The following CLCN6 variants were observed in gnomAD, a reference collection of about 807,000 sequenced individuals.
The protein encoded by CLCN6 is Cl-/H+ antiporter 6, also known as H(+)/Cl(-) exchange transporter 6.
Under a neutral mutation model 109.8 loss-of-function variants are expected in CLCN6, and 70 were observed. That is an observed-to-expected ratio of 0.64 (90% CI 0.53 to 0.78). The LOEUF is 0.78. Ranked by LOEUF, CLCN6 falls within the 30% of genes least tolerant of loss-of-function variation. The pLI is 0.00. For missense variants in CLCN6, 984 were observed against 1,142.3 expected (o/e 0.86, Z 2.00); for synonymous variants, 444 against 447.8 (o/e 0.99, Z 0.11).
At chr1:11,809,463 C>T (rs1644568744) in intron 2 of CLCN6, among the ~76,000 whole-genome samples, 1 of 151,982 alleles carries the variant, frequency 6.6e-6, no homozygotes, top group African/African-American at 2.4e-5. Context: ...TTGTTCTTGT[C>T]ATTGTTTGAG....
At chr1:11,837,186 G>T (rs774302284) in intron 19 of CLCN6, 30 bp downstream of exon 19, 9 of 1,610,130 alleles carry the variant, frequency 5.6e-6, no homozygotes, top group African/African-American at 2.7e-5. Context: ...CCCACTGCCC[G>T]CAGGGCTACA....
chr1:11,819,428 T>C, intron 4 of CLCN6, 60 bp from the exon 5 acceptor site: 1 of 1,483,510 alleles, frequency 6.7e-7, no homozygotes, highest in Non-Finnish European at 9.4e-7. Context: ...AGCACACCTG[T>C]ACTATACTTG....
chr1:11,835,629 A>G (rs1298965071), intron 17 of CLCN6, among the ~76,000 whole-genome samples: 1 of 152,130 alleles, frequency 6.6e-6, no homozygotes, highest in Non-Finnish European at 1.5e-5. Flanking sequence ...GTTCAGGGGT[A>G]GTATGTGGAG....
intron 18 of CLCN6, among the ~76,000 whole-genome samples, chr1:11,836,784 C>T (rs1417351661): frequency 1.3e-5 from 2 of 152,100 alleles, no homozygotes; most frequent in African/African-American, 4.8e-5. Context: ...GCTGCTCTTC[C>T]CAGATTAAAG....
intron 2 of CLCN6, among the ~76,000 whole-genome samples, chr1:11,811,597 G>A (rs1414303766): frequency 6.6e-6 from 1 of 152,142 alleles, no homozygotes; most frequent in East Asian, 1.9e-4. Context: ...GGTCAGGCTG[G>A]TCTTGAACTC....
chr1:11,836,964 C>T, intron 18 of CLCN6, 35 bp from the exon 19 acceptor site: 1 of 1,601,754 alleles, frequency 6.2e-7, no homozygotes, highest in South Asian at 1.1e-5. Context: ...GTTCGTTTGC[C>T]CATGCGCAGT....
chr1:11,837,157 G>T lies in CLCN6; in HGVS notation c.2138+1G>T. On this transcript the variant is annotated splice_donor_variant, in intron 19 of 22. Transcript: ENST00000346436. LOFTEE classifies it high-confidence loss of function. ...TCCTGCAGCAGATGCTGGAAAGGAG[G>T]TGAGAGCCTGGCGGGGCCCCCACTG... 6.2e-7 allele frequency: 1 copy of T among 1,611,998 alleles called. No individual in the cohort carries two copies.
intron 8 of CLCN6, 60 bp from the exon 9 acceptor site, chr1:11,826,096 A>C: frequency 1.7e-6 from 2 of 1,160,958 alleles, no homozygotes; most frequent in Non-Finnish European, 2.6e-6. Context: ...TTACTGGGGT[A>C]CAGGTAGTAT....
chr1:11,808,875 T>G (rs1644560327), intron 2 of CLCN6, among the ~76,000 whole-genome samples: 1 of 152,070 alleles, frequency 6.6e-6, no homozygotes, highest in Admixed American at 6.6e-5. Flanking sequence ...TTTTTAAATT[T>G]GAGATGGAGT....
At chr1:11,808,150 GTCT>G (rs1363544406) in intron 2 of CLCN6, among the ~76,000 whole-genome samples, 5 of 151,708 alleles carry the variant, frequency 3.3e-5, no homozygotes, top group African/African-American at 1.2e-4. Flanking sequence ...CTCAAGCCCA[GTCT>G]TCTTTTGTCT....
chr1:11,827,821 T>C (rs1644832690), intron 10 of CLCN6, among the ~76,000 whole-genome samples: 1 of 152,236 alleles, frequency 6.6e-6, no homozygotes, highest in African/African-American at 2.4e-5. Flanking sequence ...GAGCAGGCTG[T>C]CCTTCCCTTT....
At chr1:11,816,175 A>G (rs1644669361) in intron 3 of CLCN6, among the ~76,000 whole-genome samples, 1 of 152,342 alleles carries the variant, frequency 6.6e-6, no homozygotes, top group South Asian at 2.1e-4. Flanking sequence ...TTTTTTAGCC[A>G]TAAAGTATTT....
Position 11,823,398 on chromosome 1 carries a change from A to AT in CLCN6, c.454-309_454-308insT, listed in dbSNP as rs568881971. 9.9e-5 allele frequency among the ~76,000 whole-genome samples: 15 copies of AT among 152,112 alleles called. No homozygotes were observed. The South Asian group carries it at 3.1e-3, about 32-fold the overall frequency. On this transcript the variant is annotated intron_variant, in intron 6 of 22. Transcript: ENST00000346436. ...CGACTGAGGCAGGGGAATTGCTGGA[A>AT]CCCAGAAGGCGGAGGTTGCAATGAG...
intron 18 of CLCN6, 124 bp from the exon 19 acceptor site, chr1:11,836,875 C>G: frequency 9.2e-7 from 1 of 1,082,486 alleles, no homozygotes; most frequent in African/African-American, 1.6e-5. Flanking sequence ...TGAACCTCAG[C>G]CCCATTAAGT....
chr1:11,836,221 C>A, intron 18 of CLCN6, 68 bp downstream of exon 18: 1 of 1,449,948 alleles, frequency 6.9e-7, no homozygotes, highest in Non-Finnish European at 9.3e-7. Flanking sequence ...CGGCTTAGTG[C>A]TTTGCCCACC....
rs755256371 is a variant in CLCN6 at position 11,806,282 on chromosome 1, C to T, written c.20C>T (p.Ser7Phe). 5 of 1,499,980 alleles carry T rather than the reference C, an allele frequency of 3.3e-6. No homozygotes were observed. The Admixed American group carries it at 8.4e-5, about 25-fold the overall frequency. 92.9% of individuals were successfully genotyped at this position (1,499,980 alleles called of 1,614,324 possible). A position where few individuals can be genotyped will look rare whatever the true frequency, so the allele number is the denominator to read the frequency against. ...AGGAAGATGGCGGGGTGCAGGGGGTCTCTGTGCTGCTGCTGCAGGTGGTGC... is the reference window on the plus strand; with the variant it reads ...AGGAAGATGGCGGGGTGCAGGGGGTTTCTGTGCTGCTGCTGCAGGTGGTGC... The part of the protein sequence containing the change: MAGCRG[S>F]LCCCCRWCCC... The change falls in exon 1 of 23, where the codon TCT (serine) becomes TTT (phenylalanine). Residue 7 changes from serine (S) to phenylalanine (F), a missense_variant. Coordinates refer to ENST00000346436, the MANE Select transcript of CLCN6 (RefSeq NM_001286.5).
intron 12 of CLCN6, 28 bp from the exon 13 acceptor site, chr1:11,829,168 G>A (rs41275484): frequency 0.052 from 82,954 of 1,606,758 alleles, 2,603 homozygotes; most frequent in East Asian, 0.11. Context: ...TTTCTGTGGC[G>A]TTGTAACAGC....
At chr1:11,824,889 C>T (rs780298899) in intron 8 of CLCN6, among the ~76,000 whole-genome samples, 1 of 152,102 alleles carries the variant, frequency 6.6e-6, no homozygotes. Context: ...CCAAGAGGCT[C>T]GAAGCATCGA....
chr1:11,820,546 C>T (rs559171259), intron 5 of CLCN6: 1 of 553,578 alleles, frequency 1.8e-6, no homozygotes, highest in African/African-American at 1.9e-5. Context: ...GCAGGCGGAT[C>T]ACAAGGTCAG....
Sources: gnomAD v4.1 joint callset for allele counts (sites outside exome capture counted in the v4.1 genomes callset) on GRCh38, gnomAD v4.1.1 for gene constraint, MANE v1.5 for transcripts, NCBI Gene and HGNC (gene_info 2026-07-23, HGNC 2026-07-21) for gene names.